Variants in CCDC83 observed in about 807,000 individuals in gnomAD.
The protein encoded by CCDC83 is coiled-coil domain containing 83.
Under a neutral mutation model 50.1 loss-of-function variants are expected in CCDC83, and 54 were observed. The ratio of observed to expected loss-of-function variants is 1.08; its 90% CI spans 0.87 to 1.35. The LOEUF (loss-of-function observed/expected upper bound fraction) is 1.35, where lower values mean the gene tolerates loss of function less well. CCDC83 is among the 40% of genes most tolerant of loss of function. The pLI is 0.00. For synonymous variants in CCDC83, 161 were observed against 153.3 expected (o/e 1.05, Z -0.37); for missense variants, 518 against 473.9 (o/e 1.09, Z -0.86).
At chr11:85,896,400 C>CAAAAAAAAAAAAAAAAAAAAA (rs58450617) in intron 6 of CCDC83, among the ~76,000 whole-genome samples, 1 of 50,504 alleles carries the variant, frequency 2.0e-5, no homozygotes, top group Non-Finnish European at 3.7e-5. Context: ...GACCTTGTCT[C>CAAAAAAAAAAAAAAAAAAAAA]AAAAAAAAAA....
intron 5 of CCDC83, among the ~76,000 whole-genome samples, chr11:85,894,939 T>C (rs2093365833): frequency 6.6e-6 from 1 of 152,226 alleles, no homozygotes; most frequent in Non-Finnish European, 1.5e-5. Flanking sequence ...TTTGTGAGCA[T>C]ATGAAAATCT....
intron 6 of CCDC83, 84 bp downstream of exon 6, chr11:85,895,468 C>A: frequency 1.3e-6 from 1 of 762,950 alleles, no homozygotes; most frequent in Non-Finnish European, 2.1e-6. Context: ...TGGTTAAGAA[C>A]TTTGGATAGA....
At chr11:85,905,621 A>T (rs528082291) in intron 7 of CCDC83, among the ~76,000 whole-genome samples, 72 of 150,874 alleles carry the variant, frequency 4.8e-4, no homozygotes, top group African/African-American at 1.3e-3. Flanking sequence ...AAAAAAATAA[A>T]AAAAAAAAAG....
intron 3 of CCDC83, among the ~76,000 whole-genome samples, chr11:85,874,079 TG>T (rs1384877634): frequency 6.6e-6 from 1 of 152,212 alleles, no homozygotes; most frequent in Admixed American, 6.5e-5. Context: ...TGGTCAGATT[TG>T]GTATGAGCCT....
Position 85,870,470 on chromosome 11 carries a change from CT to C in CCDC83, c.96-2732del, listed in dbSNP as rs549513297. Among the ~76,000 whole-genome samples the C allele has an allele frequency of 3.1e-4, 47 of 151,698 alleles. 1 individual carries two copies. In the South Asian group the frequency reaches 5.0e-3, roughly 16 times the overall value. On this transcript the variant is annotated intron_variant, in intron 2 of 10. Transcript: ENST00000342404. ...TTTCAGATAATTTTCATTTATAATA[CT>C]TTTTTTTTAATCTCCTGAAAAACGG...
intron 7 of CCDC83, among the ~76,000 whole-genome samples, chr11:85,909,715 C>T (rs578017782): frequency 3.4e-5 from 5 of 147,708 alleles, no homozygotes; most frequent in South Asian, 2.1e-4. Context: ...CTCCACTTCC[C>T]GGGTTCAAGT....
intron 10 of CCDC83, chr11:85,917,890 G>C (rs2093489887): frequency 6.6e-6 from 1 of 152,166 alleles, no homozygotes; most frequent in South Asian, 2.1e-4. Context: ...ATACCATTTG[G>C]TTGAATGAAA....
In CCDC83 at chr11:85,908,551, T is replaced by TTAGATAGA. The variant is rs58433339; in HGVS notation, c.673-2677_673-2670dup. On this transcript the variant is annotated intron_variant, in intron 7 of 10. Coordinates refer to ENST00000342404, the MANE Select transcript of CCDC83 (RefSeq NM_001286159.2). ...GGGCAACACAGCATAGACTAGATGA[T>TTAGATAGA]TAGATAGATAGATAGATAGATAGAT... Among the ~76,000 whole-genome samples the TTAGATAGA allele has an allele frequency of 8.9e-3, 1,219 of 137,518 alleles. 6 individuals are homozygous for TTAGATAGA. The highest frequency in any genetic ancestry group is 0.02 in the East Asian group (91 of 4,606). 90.2% of individuals were successfully genotyped at this position (137,518 alleles called of 152,430 possible).
chr11:85,896,015 T>G (rs2135082937), intron 6 of CCDC83, among the ~76,000 whole-genome samples: 2 of 152,320 alleles, frequency 1.3e-5, no homozygotes, highest in African/African-American at 4.8e-5. Flanking sequence ...TTTTTAAGTA[T>G]AAGAAATATA....
chr11:85,900,573 T>A (rs370827008), intron 7 of CCDC83, among the ~76,000 whole-genome samples: 48 of 152,160 alleles, frequency 3.2e-4, no homozygotes, highest in African/African-American at 1.1e-3. Flanking sequence ...GTGGGGAAAA[T>A]CCATGCCACT....
Position 85,916,092 on chromosome 11 carries a change from G to A in CCDC83, c.939G>A (p.Glu313=). ...GAGACTTGATGTCCTCATCAGATGA[G>A]AGCACTATCTTACATCTTAGTCATG... is the stretch of plus-strand genomic sequence containing the variant. ...ESRDLMSSSD[E]STILHLSHEN... Residue 313 remains glutamate, a synonymous_variant, in exon 10 of 11, where the codon GAG becomes GAA. Transcript: ENST00000342404. 6.2e-7 allele frequency: 1 copy of A among 1,613,248 alleles called. No individual in the cohort carries two copies. Among genetic ancestry groups the A allele is most frequent in the East Asian group, 2.2e-5 (1 of 44,828 alleles).
chr11:85,905,705 CATGCCTGTA>C (rs1307594541), intron 7 of CCDC83, among the ~76,000 whole-genome samples: 2 of 151,932 alleles, frequency 1.3e-5, no homozygotes, highest in East Asian at 3.9e-4. Context: ...CGCAGTGGCT[CATGCCTGTA>C]ATCCCAGCAC....
chr11:85,867,027 A>AT (rs1203764698), intron 2 of CCDC83, among the ~76,000 whole-genome samples: 1 of 152,162 alleles, frequency 6.6e-6, no homozygotes, highest in Non-Finnish European at 1.5e-5. Flanking sequence ...TGGAGAGCCC[A>AT]TGATGCTAGT....
In CCDC83 at chr11:85,855,421, G is replaced by C. The variant is rs2093133705; in HGVS notation, c.-192G>C. ...CGTTCTTGGGCCGTTAGGAGCTGCT[G>C]GGAAGGGCTCTGATAGGCCCACTCC... On this transcript the variant is annotated 5_prime_UTR_variant, in exon 1 of 11. Transcript: ENST00000342404. The C allele has an allele frequency of 6.6e-6, 1 of 152,314 alleles. No individual in the cohort carries two copies. The highest frequency in any genetic ancestry group is 6.5e-5 in the Admixed American group (1 of 15,284). 9.4% of individuals were successfully genotyped at this position (152,314 alleles called of 1,614,324 possible).
In CCDC83 at chr11:85,909,609, CTTTTTTTTTTTTTT is replaced by C. The variant is rs71468972; in HGVS notation, c.673-1654_673-1641del. Among the ~76,000 whole-genome samples the C allele has an allele frequency of 2.1e-3, 121 of 57,730 alleles. 2 individuals are homozygous for C. Among genetic ancestry groups the C allele is most frequent in the Non-Finnish European group, 2.7e-3 (85 of 30,918 alleles). The allele number at this position is 57,730 out of a possible 152,430, so 37.9% of individuals were successfully genotyped here. On this transcript the variant is annotated intron_variant, in intron 7 of 10. Transcript: ENST00000342404. ...TTTGGACAAAAGTCATCAAAATACA[CTTTTTTTTTTTTTT>C]TTTTTTTTTTTTTTTTTGAGACGGA...
At chr11:85,890,289 G>C (rs1035654431) in intron 5 of CCDC83, among the ~76,000 whole-genome samples, 4 of 152,188 alleles carry the variant, frequency 2.6e-5, no homozygotes, top group African/African-American at 9.6e-5. Context: ...CTGCACTCCC[G>C]AGTTTGTCAG....
At chr11:85,862,016 A>C (rs1488953381) in intron 1 of CCDC83, among the ~76,000 whole-genome samples, 5 of 142,868 alleles carry the variant, frequency 3.5e-5, no homozygotes, top group Admixed American at 7.0e-5. Flanking sequence ...AAAAAAAAAA[A>C]AAAAAGAGAG....
intron 2 of CCDC83, among the ~76,000 whole-genome samples, chr11:85,865,713 C>T (rs1376611699): frequency 6.6e-6 from 1 of 151,958 alleles, no homozygotes; most frequent in East Asian, 1.9e-4. Context: ...CATGGTGAAA[C>T]CAGGTCTCCA....
chr11:85,903,050 G>C (rs2093409218), intron 7 of CCDC83, among the ~76,000 whole-genome samples: 1 of 151,930 alleles, frequency 6.6e-6, no homozygotes, highest in Admixed American at 6.6e-5. Flanking sequence ...TGGCCAACAT[G>C]GTGAAACCCC....
Sources: gnomAD v4.1 joint callset for allele counts (sites outside exome capture counted in the v4.1 genomes callset) on GRCh38, gnomAD v4.1.1 for gene constraint, MANE v1.5 for transcripts, NCBI Gene and HGNC (gene_info 2026-07-23, HGNC 2026-07-21) for gene names.